The following NPIPB2 variants were observed in gnomAD, a reference collection of about 807,000 sequenced individuals.
NPIPB2 encodes the protein nuclear pore complex interacting protein family member B2, also known as nuclear pore complex-interacting protein family member B2.
NPIPB2 carries 27 observed loss-of-function variants against 30.8 expected under a neutral mutation model. The observed-to-expected ratio is 0.88, with a 90% CI of 0.65 to 1.21. The LOEUF (loss-of-function observed/expected upper bound fraction) is 1.21, where lower values mean the gene tolerates loss of function less well. Ranked by LOEUF, NPIPB2 falls within the 50% of genes most tolerant of loss-of-function variation. The pLI, the probability that NPIPB2 is intolerant of heterozygous loss-of-function variation, is 0.00. For synonymous variants in NPIPB2, 147 were observed against 162.0 expected (o/e 0.91, Z 0.70); for missense variants, 440 against 446.2 (o/e 0.99, Z 0.13).
intron 1 of NPIPB2, among the ~76,000 whole-genome samples, chr16:11,962,747 T>C (rs373919245): frequency 6.6e-6 from 1 of 152,056 alleles, no homozygotes; most frequent in South Asian, 2.1e-4. Flanking sequence ...TGAATACTTA[T>C]TTTTTAATAA....
chr16:11,976,390 G>C (rs995911232), intron 1 of NPIPB2, among the ~76,000 whole-genome samples: 5 of 152,214 alleles, frequency 3.3e-5, no homozygotes, highest in African/African-American at 1.2e-4. Flanking sequence ...GGCCCTCCGG[G>C]ATTGCCCATC....
intron 1 of NPIPB2, among the ~76,000 whole-genome samples, chr16:11,959,722 CAAAA>C (rs948240268): frequency 1.3e-5 from 2 of 151,998 alleles, no homozygotes; most frequent in African/African-American, 4.8e-5. Context: ...TCTAGCTTTG[CAAAA>C]AAAGTCTCCG....
upstream of NPIPB2, among the ~76,000 whole-genome samples, chr16:11,944,650 C>G (rs887083532): frequency 7.5e-6 from 1 of 133,790 alleles, no homozygotes; most frequent in Admixed American, 8.6e-5. Flanking sequence ...GTAATCCCAG[C>G]TACTTGGAAG....
chr16:11,969,145 G>C (rs2055218889), intron 1 of NPIPB2, among the ~76,000 whole-genome samples: 1 of 152,084 alleles, frequency 6.6e-6, no homozygotes, highest in Non-Finnish European at 1.5e-5. Flanking sequence ...GGGATTACCG[G>C]TGTGAGCTAT....
chr16:11,927,413 C>A lies in NPIPB2; in HGVS notation c.1154G>T (p.Arg385Met), dbSNP rs770588361. 2.8e-6 allele frequency: 3 copies of A among 1,071,572 alleles called. No individual in the cohort carries two copies. The Admixed American group carries it at 5.9e-5, about 21-fold the overall frequency. 66.4% of individuals were successfully genotyped at this position (1,071,572 alleles called of 1,614,324 possible). A position where few individuals can be genotyped will look rare whatever the true frequency, so the allele number is the denominator to read the frequency against. ...ATGGCCTGTTCTCAGCTTACTCAAC[C>A]TCCGCCTCTTGGGCTCGGGTGATGA... Residue 385 changes from arginine to methionine, a missense_variant, in exon 8 of 8, where the codon AGG (arginine) becomes ATG (methionine). Transcript: ENST00000399147.
At chr16:11,940,642 C>G (rs2054925127) in intron 1 of NPIPB2, among the ~76,000 whole-genome samples, 3 of 144,504 alleles carry the variant, frequency 2.1e-5, no homozygotes, top group Non-Finnish European at 4.5e-5. Context: ...GCGTTGTAAT[C>G]TGAGCTATTC....
At chr16:11,944,682 G>C (rs2054984304), upstream of NPIPB2, among the ~76,000 whole-genome samples, 1 of 116,008 alleles carries the variant, frequency 8.6e-6, no homozygotes, top group Non-Finnish European at 1.6e-5. Context: ...AGAATCGCTT[G>C]AACCTGGGAG....
chr16:11,930,421 A>G (rs1194231492), intron 5 of NPIPB2, 29 bp downstream of exon 5: 1 of 1,532,842 alleles, frequency 6.5e-7, no homozygotes, highest in South Asian at 1.2e-5. Context: ...GCGTTTCCCA[A>G]GAGGGTGGGG....
chr16:11,943,240 A>T (rs1457120947), upstream of NPIPB2, among the ~76,000 whole-genome samples: 1 of 151,998 alleles, frequency 6.6e-6, no homozygotes, highest in Non-Finnish European at 1.5e-5. Flanking sequence ...AATAGTTTGA[A>T]CCCGGGAGGC....
At chr16:11,949,247 C>A (rs950034237) in intron 1 of NPIPB2, among the ~76,000 whole-genome samples, 2 of 152,170 alleles carry the variant, frequency 1.3e-5, no homozygotes, top group African/African-American at 4.8e-5. Context: ...GAAGCCTTTT[C>A]TATTTTATTA....
At chr16:11,964,980 C>A in intron 1 of NPIPB2, 1 of 355,944 alleles carries the variant, frequency 2.8e-6, no homozygotes, top group Non-Finnish European at 5.2e-6. Context: ...GAACATTCGG[C>A]TTGATGCTGT....
intron 1 of NPIPB2, among the ~76,000 whole-genome samples, chr16:11,955,122 C>T (rs966126500): frequency 6.6e-6 from 1 of 151,826 alleles, no homozygotes; most frequent in African/African-American, 2.4e-5. Context: ...CACCTATAAT[C>T]CCAGCATGGT....
At chr16:11,943,128 T>G (rs2054960632), upstream of NPIPB2, among the ~76,000 whole-genome samples, 2 of 151,784 alleles carry the variant, frequency 1.3e-5, no homozygotes, top group African/African-American at 4.8e-5. Flanking sequence ...CAGACCAGCC[T>G]GGCCAATATG....
chr16:11,949,917 A>G (rs1403480560), intron 1 of NPIPB2, among the ~76,000 whole-genome samples: 2 of 152,224 alleles, frequency 1.3e-5, no homozygotes, highest in Non-Finnish European at 2.9e-5. Flanking sequence ...GATACAGTAT[A>G]TTCATTGCCA....
chr16:11,966,352 T>A lies in NPIPB2; in HGVS notation c.-584+10216A>T, dbSNP rs758505485. 1.0e-5 allele frequency: 16 copies of A among 1,604,072 alleles called. No homozygotes were observed. The African/African-American group carries it at 2.2e-4, about 22-fold the overall frequency. ...AGTTTAAAAACACAGGTTGGTTTGA[T>A]GGTGAATCTTTGAAATCTATTTCCA... On this transcript the variant is annotated intron_variant, in intron 1 of 5. Transcript: ENST00000538896.
chr16:11,968,852 C>G (rs1470135505), intron 1 of NPIPB2: 2 of 151,144 alleles, frequency 1.3e-5, no homozygotes, highest in East Asian at 3.9e-4. Context: ...ATCTCAGTAA[C>G]CAATTTCTTT....
intron 1 of NPIPB2, among the ~76,000 whole-genome samples, chr16:11,955,543 ACTAAAAATACAAAAAAAC>A (rs2055103231): frequency 6.6e-6 from 1 of 151,502 alleles, no homozygotes; most frequent in South Asian, 2.1e-4. Flanking sequence ...CCCTGTCTCT[ACTAAAAATACAAAAAAAC>A]CTAAAAATAG....
At chr16:11,967,765 C>T in intron 1 of NPIPB2, 1 of 1,614,216 alleles carries the variant, frequency 6.2e-7, no homozygotes, top group Non-Finnish European at 8.5e-7. Flanking sequence ...ATTCTTGTCA[C>T]CACGAAAACG....
chr16:11,933,937 A>C lies in NPIPB2; in HGVS notation c.193-13T>G, dbSNP rs2054828786. 2.6e-6 allele frequency: 4 copies of C among 1,527,708 alleles called. No individual in the cohort carries two copies. Among genetic ancestry groups the C allele is most frequent in the Non-Finnish European group, 9.0e-7 (1 of 1,116,332 alleles). The allele number at this position is 1,527,708 out of a possible 1,614,324, so 94.6% of individuals were successfully genotyped here. ...TCAGGAAAGACAACTAGGAAATAAT[A>C]ATATAAGAATGACGGCTGGGCACGG... On this transcript the variant is annotated splice_polypyrimidine_tract_variant and intron_variant, in intron 2 of 7. Transcript: ENST00000399147.
Sources: allele counts gnomAD v4.1 joint callset (sites outside exome capture counted in the v4.1 genomes callset), GRCh38; gene constraint gnomAD v4.1.1; transcripts MANE v1.5; gene names NCBI Gene and HGNC (gene_info 2026-07-23, HGNC 2026-07-21).